Variants in N4BP2L2 observed in about 807,000 individuals in gnomAD.
The protein encoded by N4BP2L2 is NEDD4-binding protein 2-like 2.
N4BP2L2 carries 50 observed loss-of-function variants against 56.2 expected under a neutral mutation model. The ratio of observed to expected loss-of-function variants is 0.89; its 90% CI spans 0.71 to 1.13. N4BP2L2 has a LOEUF of 1.13. N4BP2L2 is among the 50% of genes most tolerant of loss of function. N4BP2L2 has a pLI of 0.00. For synonymous variants in N4BP2L2, 203 were observed against 223.6 expected (o/e 0.91, Z 0.82); for missense variants, 689 against 693.8 (o/e 0.99, Z 0.08).
At chr13:32,454,562 C>T (rs920044671) in intron 6 of N4BP2L2, among the ~76,000 whole-genome samples, 4 of 152,104 alleles carry the variant, frequency 2.6e-5, no homozygotes, top group Non-Finnish European at 5.9e-5. Context: ...CAATCATTGA[C>T]AAAGCCTAGA....
chr13:32,495,447 C>T (rs376328413), intron 6 of N4BP2L2, among the ~76,000 whole-genome samples: 1 of 152,158 alleles, frequency 6.6e-6, no homozygotes, highest in South Asian at 2.1e-4. Flanking sequence ...AAAGTTGTAC[C>T]TTCTGGACAA....
intron 6 of N4BP2L2, among the ~76,000 whole-genome samples, chr13:32,486,877 T>C (rs2086000107): frequency 6.6e-6 from 1 of 151,942 alleles, no homozygotes; most frequent in South Asian, 2.1e-4. Context: ...CATGCACCTG[T>C]AGACCCAGCT....
chr13:32,477,892 A>G, intron 6 of N4BP2L2: 5 of 1,289,364 alleles, frequency 3.9e-6, no homozygotes, highest in Non-Finnish European at 5.1e-6. Flanking sequence ...ATCACCTCTC[A>G]AGAGATCAAA....
chr13:32,442,759 T>G, exon 7 of N4BP2L2: 1 of 1,613,428 alleles, frequency 6.2e-7, no homozygotes, highest in Non-Finnish European at 8.5e-7. Flanking sequence ...AGGAATATAA[T>G]TTTTGTATAA....
intron 2 of N4BP2L2, among the ~76,000 whole-genome samples, chr13:32,534,410 T>C (rs983400716): frequency 2.0e-5 from 3 of 152,152 alleles, no homozygotes; most frequent in South Asian, 2.1e-4. Flanking sequence ...CAAGTGGTCC[T>C]AACTAGCAGA....
intron 6 of N4BP2L2, among the ~76,000 whole-genome samples, chr13:32,461,082 C>A (rs975603634): frequency 1.3e-5 from 2 of 151,840 alleles, no homozygotes; most frequent in Non-Finnish European, 2.9e-5. Flanking sequence ...GAAACTAGAC[C>A]CCTATAGAAA....
At chr13:32,534,731 G>C (rs550485803) in intron 2 of N4BP2L2, among the ~76,000 whole-genome samples, 1 of 152,250 alleles carries the variant, frequency 6.6e-6, no homozygotes, top group East Asian at 1.9e-4. Context: ...AGATTGTCTT[G>C]TTAGTAATAT....
At chr13:32,502,111 TG>T (rs2139581089) in intron 6 of N4BP2L2, among the ~76,000 whole-genome samples, 1 of 150,612 alleles carries the variant, frequency 6.6e-6, no homozygotes, top group Admixed American at 6.6e-5. Flanking sequence ...TCGCCCAGGC[TG>T]GAATACAGTG....
chr13:32,476,462 T>C (rs894005319), intron 6 of N4BP2L2, among the ~76,000 whole-genome samples: 1 of 152,112 alleles, frequency 6.6e-6, no homozygotes, highest in Non-Finnish European at 1.5e-5. Flanking sequence ...CATCTAAGGA[T>C]CTGGAACTAC....
exon 7 of N4BP2L2, chr13:32,442,888 G>A (rs2076574367): frequency 1.2e-6 from 2 of 1,612,792 alleles, no homozygotes; most frequent in African/African-American, 2.7e-5. Flanking sequence ...ATGATCAAAG[G>A]TCATAAGTTT....
At chr13:32,529,256 G>C (rs1259554038) in intron 2 of N4BP2L2, among the ~76,000 whole-genome samples, 3 of 152,168 alleles carry the variant, frequency 2.0e-5, no homozygotes, top group Admixed American at 6.5e-5. Flanking sequence ...TGGTGTGAAC[G>C]TAATTGCAGT....
At chr13:32,466,597 T>A (rs1399549551) in intron 6 of N4BP2L2, among the ~76,000 whole-genome samples, 1 of 151,928 alleles carries the variant, frequency 6.6e-6, no homozygotes, top group African/African-American at 2.4e-5. Flanking sequence ...ATGATTGAGT[T>A]TATAGTAAGT....
chr13:32,453,437 GAAA>G (rs555343057), intron 6 of N4BP2L2, among the ~76,000 whole-genome samples: 1 of 142,418 alleles, frequency 7.0e-6, no homozygotes, highest in African/African-American at 2.6e-5. Flanking sequence ...TTAATCAAGA[GAAA>G]AAAAAAAAGC....
At chr13:32,473,233 G>C (rs560909618) in intron 6 of N4BP2L2, among the ~76,000 whole-genome samples, 1 of 150,158 alleles carries the variant, frequency 6.7e-6, no homozygotes, top group South Asian at 2.1e-4. Flanking sequence ...AGTGAGCCAA[G>C]ATCGCACCAC....
chr13:32,432,681 T>C, exon 10 of N4BP2L2: 1 of 152,352 alleles, frequency 6.6e-6, no homozygotes, highest in East Asian at 1.9e-4. Context: ...TTAATCCTAA[T>C]GCAGTTTTAA....
chr13:32,509,944 A>C (rs1310488890), downstream of N4BP2L2, among the ~76,000 whole-genome samples: 3 of 152,190 alleles, frequency 2.0e-5, no homozygotes, highest in Non-Finnish European at 4.4e-5. Context: ...GACTAAAACA[A>C]AATAAAGCAA....
chr13:32,472,388 G>C (rs1301959377), intron 6 of N4BP2L2, among the ~76,000 whole-genome samples: 1 of 152,218 alleles, frequency 6.6e-6, no homozygotes, highest in Non-Finnish European at 1.5e-5. Flanking sequence ...GGCTGAAAGT[G>C]CAACACTTCC....
At chr13:32,512,406 A>T (rs371880797) in exon 6 of N4BP2L2, 24 of 152,242 alleles carry the variant, frequency 1.6e-4, no homozygotes, top group East Asian at 1.4e-3. Context: ...CCTACAGAAA[A>T]ATCATCTATT....
chr13:32,521,504 A>G lies in N4BP2L2; in HGVS notation c.1474-55T>C, dbSNP rs568001647. 188 of 1,227,568 alleles carry G rather than the reference A, an allele frequency of 1.5e-4. 1 individual carries two copies. Among genetic ancestry groups the G allele is most frequent in the South Asian group, 1.2e-3 (93 of 77,102 alleles). 76.0% of individuals were successfully genotyped at this position (1,227,568 alleles called of 1,614,324 possible). A position where few individuals can be genotyped will look rare whatever the true frequency, so the allele number is the denominator to read the frequency against. On this transcript the variant is annotated intron_variant, in intron 4 of 5. Coordinates refer to ENST00000267068, the Ensembl canonical transcript of N4BP2L2. The stretch of plus-strand genomic sequence containing the variant: ...CCCAGAGAAGTACTTCTTAAAGTAA[A>G]AAGAAGGCAGACAGTTAAATTTCAT...
Sources: gnomAD v4.1 joint callset for allele counts (sites outside exome capture counted in the v4.1 genomes callset) on GRCh38, gnomAD v4.1.1 for gene constraint, MANE v1.5 for transcripts, NCBI Gene and HGNC (gene_info 2026-07-23, HGNC 2026-07-21) for gene names.